The following ZNF33A variants were observed in gnomAD, a reference collection of about 807,000 sequenced individuals.
ZNF33A encodes the protein brain my041 protein.
Under a neutral mutation model 15.9 loss-of-function variants are expected in ZNF33A, and 9 were observed. The observed-to-expected ratio is 0.57, with a 90% confidence interval of 0.34 to 0.99. The LOEUF (loss-of-function observed/expected upper bound fraction) is 0.99. ZNF33A is among the 50% of genes least tolerant of loss of function. ZNF33A has a pLI of 0.02. For missense variants in ZNF33A, 843 were observed against 941.6 expected (o/e 0.90, Z 1.37); for synonymous variants, 294 against 324.2 (o/e 0.91, Z 1.00).
chr10:38,035,111 CTTTTTTTT>C (rs71007683), intron 4 of ZNF33A, among the ~76,000 whole-genome samples: 2 of 85,772 alleles, frequency 2.3e-5, no homozygotes, highest in Admixed American at 3.5e-4. Flanking sequence ...CATTTACTTT[CTTTTTTTT>C]TTTTTTTTTT....
rs1321447474 is a variant in ZNF33A, at chr10:38,017,521, A to C, written c.250+135A>C. 5.0e-6 allele frequency: 3 copies of C among 597,696 alleles called. No individual in the cohort carries two copies. In the East Asian group the frequency reaches 8.6e-5, roughly 17 times the overall value. The allele number at this position is 597,696 out of a possible 1,614,324, so 37.0% of individuals were successfully genotyped here. ...ATCCTAACCTCTGGAAGTGATGGAG[A>C]ATATTGATTCCTAAATCAAACTTCC... On this transcript the variant is annotated intron_variant, in intron 4 of 4. Transcript: ENST00000432900.
At chr10:38,029,977 A>G (rs911184381) in intron 4 of ZNF33A, among the ~76,000 whole-genome samples, 2 of 152,212 alleles carry the variant, frequency 1.3e-5, no homozygotes, top group Admixed American at 6.5e-5. Flanking sequence ...GAACACTAAT[A>G]TATTCATCCA....
chr10:38,054,060 T>C (rs1254946100), intron 4 of ZNF33A, among the ~76,000 whole-genome samples: 1 of 152,234 alleles, frequency 6.6e-6, no homozygotes, highest in Admixed American at 6.5e-5. Context: ...TTATAATTCT[T>C]GGGAGGATGC....
rs749898036 is a variant in ZNF33A at position 38,010,719 on chromosome 10, C to T, written c.-109C>T. The T allele has an allele frequency of 1.0e-5, 16 of 1,598,280 alleles. No individual in the cohort carries two copies. Among genetic ancestry groups the T allele is most frequent in the East Asian group, 2.2e-5 (1 of 44,882 alleles). On this transcript the variant is annotated 5_prime_UTR_variant, in exon 1 of 5. Transcript: ENST00000432900. ...TTTTTCTCAGGTTTTGCGTGGGAGG[C>T]GGTCCCGGGATTTCAAGGGTCTACG...
At chr10:38,051,658 G>C (rs2092550280) in intron 4 of ZNF33A, among the ~76,000 whole-genome samples, 1 of 151,540 alleles carries the variant, frequency 6.6e-6, no homozygotes, top group African/African-American at 2.4e-5. Context: ...CTTTTTTTGT[G>C]ATTTGTAAAT....
At chr10:38,011,108 C>T (rs1054636735) in intron 1 of ZNF33A, among the ~76,000 whole-genome samples, 1 of 152,226 alleles carries the variant, frequency 6.6e-6, no homozygotes, top group Non-Finnish European at 1.5e-5. Context: ...GCTAGGGCGC[C>T]GCGGTACGTG....
chr10:38,023,947 T>C (rs1169699639), intron 4 of ZNF33A, among the ~76,000 whole-genome samples: 1 of 151,900 alleles, frequency 6.6e-6, no homozygotes, highest in Non-Finnish European at 1.5e-5. Context: ...TCACCTGAGA[T>C]CGGGAGTTCA....
chr10:38,028,138 T>C (rs1209928687), intron 4 of ZNF33A, among the ~76,000 whole-genome samples: 4 of 151,968 alleles, frequency 2.6e-5, no homozygotes, highest in African/African-American at 9.7e-5. Flanking sequence ...TGTGGTGGTA[T>C]GCGCTTGTGG....
At chr10:38,063,955 G>T, downstream of ZNF33A, 1 of 722,294 alleles carries the variant, frequency 1.4e-6, no homozygotes, top group African/African-American at 1.8e-5. Context: ...CCACTGCCTG[G>T]TGTCTGTGGT....
intron 4 of ZNF33A, among the ~76,000 whole-genome samples, chr10:38,032,751 G>A (rs1226757330): frequency 6.7e-6 from 1 of 150,234 alleles, no homozygotes; most frequent in Non-Finnish European, 1.5e-5. Context: ...GCACCTTGCC[G>A]ACAGTTGTTT....
intron 2 of ZNF33A, 35 bp from the exon 3 acceptor site, chr10:38,016,836 T>C: frequency 6.2e-7 from 1 of 1,609,828 alleles, no homozygotes; most frequent in Non-Finnish European, 8.5e-7. Flanking sequence ...AGCCCATACT[T>C]CTTTTTTCAT....
intron 1 of ZNF33A, among the ~76,000 whole-genome samples, chr10:38,011,076 C>A (rs991129890): frequency 6.6e-6 from 1 of 152,224 alleles, no homozygotes; most frequent in African/African-American, 2.4e-5. Context: ...GGGCAGTTCT[C>A]TTGTCTAGCC....
At chr10:38,043,569 G>C (rs967064028) in intron 4 of ZNF33A, among the ~76,000 whole-genome samples, 2 of 151,148 alleles carry the variant, frequency 1.3e-5, no homozygotes, top group African/African-American at 4.9e-5. Flanking sequence ...TTCTTTATTT[G>C]ACAACTGGGA....
downstream of ZNF33A, among the ~76,000 whole-genome samples, chr10:38,060,469 A>G (rs2066642911): frequency 1.3e-5 from 2 of 152,184 alleles, no homozygotes; most frequent in Non-Finnish European, 2.9e-5. Flanking sequence ...GCTGCTCGCC[A>G]CAACCCCTCC....
chr10:38,054,950 G>T lies in ZNF33A; in HGVS notation c.826G>T (p.Glu276Ter). 6.2e-7 allele frequency: 1 copy of T among 1,613,948 alleles called. No homozygotes were observed. The highest frequency in any genetic ancestry group is 1.1e-5 in the South Asian group (1 of 91,074). The change falls in exon 5 of 5, where the codon GAA (glutamate) becomes TAA (stop). Residue 276 changes from glutamate to a stop codon, truncating the protein, a stop_gained. Transcript: ENST00000432900. LOFTEE classifies it low-confidence loss of function (END_TRUNC). ...ATCTCCGTCAAGGGACAATCACTAT[G>T]AATTTAGTGATTGTGAGAAGTTCTT... is the stretch of plus-strand genomic sequence containing the variant. ...QISPSRDNHY[E>*]FSDCEKFLCV...
intron 2 of ZNF33A, among the ~76,000 whole-genome samples, chr10:38,014,545 G>T (rs768048869): frequency 6.6e-6 from 1 of 152,180 alleles, no homozygotes; most frequent in Non-Finnish European, 1.5e-5. Context: ...TCTGTATGAG[G>T]TAGATGTCAG....
At chr10:38,047,190 CAAAAAAAAAAA>C (rs61278605) in intron 4 of ZNF33A, among the ~76,000 whole-genome samples, 4 of 64,026 alleles carry the variant, frequency 6.2e-5, no homozygotes, top group South Asian at 1.0e-3. Flanking sequence ...CCACCCCTGC[CAAAAAAAAAAA>C]AAAAAAAAAA....
chr10:38,067,605 C>T (rs1328126982), downstream of ZNF33A, among the ~76,000 whole-genome samples: 2 of 152,144 alleles, frequency 1.3e-5, no homozygotes, highest in East Asian at 3.9e-4. Context: ...TGTTGAGTCC[C>T]AGTGGTCACT....
intron 4 of ZNF33A, among the ~76,000 whole-genome samples, chr10:38,044,466 T>C (rs2065866668): frequency 6.6e-6 from 1 of 152,116 alleles, no homozygotes; most frequent in Admixed American, 6.5e-5. Context: ...TGCCTTGGCC[T>C]CCCAAAGTGC....
Sources: gnomAD v4.1 joint callset for allele counts (sites outside exome capture counted in the v4.1 genomes callset) on GRCh38, gnomAD v4.1.1 for gene constraint, MANE v1.5 for transcripts, NCBI Gene and HGNC (gene_info 2026-07-23, HGNC 2026-07-21) for gene names.